RHOT1: variants seen among roughly 807,000 people sequenced by gnomAD.
The protein encoded by RHOT1 is ras homolog family member T1, also known as mitochondrial Rho GTPase 1.
A neutral mutation model predicts 95.3 loss-of-function variants in RHOT1; 27 were observed. The observed-to-expected ratio is 0.28, with a 90% CI of 0.21 to 0.39. The LOEUF (loss-of-function observed/expected upper bound fraction) is 0.39, where lower values mean the gene tolerates loss of function less well. Ranked by LOEUF, RHOT1 falls within the 10% of genes least tolerant of loss-of-function variation. The pLI, the probability that RHOT1 is intolerant of heterozygous loss-of-function variation, is 1.00. For synonymous variants in RHOT1, 227 were observed against 263.5 expected, an observed-to-expected ratio of 0.86 and a Z score of 1.34; for missense variants, 578 against 786.7, an observed-to-expected ratio of 0.73 and a Z score of 3.17.
intron 14 of RHOT1, 63 bp downstream of exon 14, chr17:32,201,119 T>G (rs1421215850): frequency 5.1e-6 from 5 of 973,306 alleles, no homozygotes; most frequent in Non-Finnish European, 7.8e-6. Context: ...CATTTTCAAA[T>G]GTAACAAAGA....
Position 32,192,184 on chromosome 17 carries a change from T to C in RHOT1, c.541-17T>C. 8.5e-7 allele frequency: 1 copy of C among 1,171,674 alleles called. No homozygotes were observed. Among genetic ancestry groups the C allele is most frequent in the East Asian group, 2.4e-5 (1 of 42,058 alleles). The allele number at this position is 1,171,674 out of a possible 1,614,324, so 72.6% of individuals were successfully genotyped here. A position where few individuals can be genotyped will look rare whatever the true frequency, so the allele number is the denominator to read the frequency against. On this transcript the variant is annotated splice_polypyrimidine_tract_variant and intron_variant, in intron 8 of 19. Transcript: ENST00000545287. Reference sequence around the variant, plus strand: ...ATCACAGTTTAAACAATTATTTCTTTTCTCAATGATTTATAGATGAAACCA... The same window carrying C: ...ATCACAGTTTAAACAATTATTTCTTCTCTCAATGATTTATAGATGAAACCA...
chr17:32,223,813 T>C (rs926263351), intron 19 of RHOT1, among the ~76,000 whole-genome samples: 1 of 152,244 alleles, frequency 6.6e-6, no homozygotes, highest in African/African-American at 2.4e-5. Flanking sequence ...TTTAGAGCTT[T>C]ATCCTCTTCA....
intron 1 of RHOT1, chr17:32,151,457 T>G: frequency 1.6e-6 from 1 of 631,170 alleles, no homozygotes; most frequent in East Asian, 3.7e-5. Context: ...ATCATTCCTG[T>G]TGATGAAAGA....
intron 8 of RHOT1, among the ~76,000 whole-genome samples, chr17:32,186,287 A>G (rs1164589780): frequency 6.6e-6 from 1 of 151,292 alleles, no homozygotes; most frequent in Non-Finnish European, 1.5e-5. Flanking sequence ...ATGGCTAATG[A>G]TGTTGTGTAA....
At chr17:32,143,045 C>T (rs903094956) in intron 1 of RHOT1, 3 of 686,880 alleles carry the variant, frequency 4.4e-6, no homozygotes, top group Non-Finnish European at 8.2e-6. Context: ...CGAAGCTTCT[C>T]TCCTCCTTTT....
Position 32,176,035 on chromosome 17 carries a change from C to T in RHOT1, c.276+20C>T. On this transcript the variant is annotated intron_variant, in intron 5 of 19. Transcript: ENST00000545287. ...GATAAGGTAGGTGTGATCTTTTTTT[C>T]CCTATAGTTGGTTTCAGTGGAGTGC... The T allele has an allele frequency of 1.2e-6, 2 of 1,602,152 alleles. No homozygotes were observed. Among genetic ancestry groups the T allele is most frequent in the South Asian group, 1.1e-5 (1 of 89,014 alleles).
intron 19 of RHOT1, among the ~76,000 whole-genome samples, chr17:32,212,914 A>G (rs1197254052): frequency 6.6e-6 from 1 of 152,130 alleles, no homozygotes; most frequent in Non-Finnish European, 1.5e-5. Context: ...TTCATCTGAA[A>G]GCCCCTTAGG....
chr17:32,148,859 T>G (rs2031783209), intron 1 of RHOT1, among the ~76,000 whole-genome samples: 1 of 152,208 alleles, frequency 6.6e-6, no homozygotes, highest in Admixed American at 6.5e-5. Flanking sequence ...ATATTAGGAA[T>G]TTGCTGTCAT....
chr17:32,204,999 C>T (rs1172809022), intron 16 of RHOT1, among the ~76,000 whole-genome samples: 7 of 149,990 alleles, frequency 4.7e-5, no homozygotes, highest in African/African-American at 1.7e-4. Flanking sequence ...AAAAAAAAGT[C>T]GAAAAAACTG....
chr17:32,150,689 T>C, intron 1 of RHOT1: 1 of 1,599,556 alleles, frequency 6.3e-7, no homozygotes, highest in East Asian at 2.2e-5. Flanking sequence ...AGTTCTATGA[T>C]TTGGGATATG....
At chr17:32,184,059 A>G (rs2035844883) in intron 8 of RHOT1, among the ~76,000 whole-genome samples, 1 of 152,248 alleles carries the variant, frequency 6.6e-6, no homozygotes, top group South Asian at 2.1e-4. Flanking sequence ...TGCCATAGAC[A>G]TTGAAAAACT....
intron 8 of RHOT1, 144 bp downstream of exon 8, chr17:32,183,416 ACT>A (rs1339397464): frequency 4.7e-6 from 2 of 429,444 alleles, no homozygotes; most frequent in African/African-American, 4.1e-5. Flanking sequence ...ACATTTTGGT[ACT>A]CTTCTTCAAT....
At chr17:32,195,057 C>A (rs2036774486) in intron 11 of RHOT1, among the ~76,000 whole-genome samples, 1 of 151,710 alleles carries the variant, frequency 6.6e-6, no homozygotes, top group African/African-American at 2.4e-5. Flanking sequence ...GATCTCCTGA[C>A]CTCGTGATCC....
chr17:32,207,991 T>C (rs1226313230), intron 17 of RHOT1, 116 bp from the exon 18 acceptor site: 3 of 845,124 alleles, frequency 3.5e-6, no homozygotes, highest in Non-Finnish European at 5.6e-6. Flanking sequence ...GGTTCACTTT[T>C]TCGCTTTGAA....
intron 14 of RHOT1, among the ~76,000 whole-genome samples, chr17:32,202,549 C>G (rs1349356020): frequency 6.6e-6 from 1 of 152,114 alleles, no homozygotes; most frequent in African/African-American, 2.4e-5. Context: ...ACATTCCAGT[C>G]AACTTTCAGA....
At chr17:32,173,222 G>A (rs2034720493) in intron 2 of RHOT1, among the ~76,000 whole-genome samples, 3 of 152,308 alleles carry the variant, frequency 2.0e-5, no homozygotes, top group South Asian at 4.1e-4. Context: ...GGTGAGAGGG[G>A]TAATACAAGT....
chr17:32,171,241 G>A, intron 2 of RHOT1, 140 bp downstream of exon 2: 1 of 595,740 alleles, frequency 1.7e-6, no homozygotes. Context: ...CTTCTTTAGA[G>A]ACAGGGTCTC....
intron 1 of RHOT1, among the ~76,000 whole-genome samples, chr17:32,162,746 G>C (rs1403250278): frequency 5.3e-5 from 8 of 152,082 alleles, no homozygotes; most frequent in Non-Finnish European, 1.2e-4. Context: ...TGTCAATGTA[G>C]ATTCATACAT....
chr17:32,153,392 C>T (rs1300414927), intron 1 of RHOT1, among the ~76,000 whole-genome samples: 1 of 152,170 alleles, frequency 6.6e-6, no homozygotes, highest in East Asian at 1.9e-4. Context: ...GGCTCTGTGG[C>T]TCATGCCTAT....
Sources: gnomAD v4.1 joint callset for allele counts (sites outside exome capture counted in the v4.1 genomes callset) on GRCh38, gnomAD v4.1.1 for gene constraint, MANE v1.5 for transcripts, NCBI Gene and HGNC (gene_info 2026-07-23, HGNC 2026-07-21) for gene names.